The following THBS4 variants were observed in gnomAD, a reference collection of about 807,000 sequenced individuals.
THBS4 encodes thrombospondin-4.
A neutral mutation model predicts 115.7 loss-of-function variants in THBS4; 90 were observed. The observed-to-expected ratio is 0.78, with a 90% CI of 0.66 to 0.93. The LOEUF is 0.93. Among genes scored for constraint, THBS4 ranks in the 40% least tolerant of loss-of-function variants. THBS4 has a pLI of 0.00. For synonymous variants in THBS4, 460 were observed against 479.3 expected (o/e 0.96, Z 0.53); for missense variants, 1,087 against 1,232.7 (o/e 0.88, Z 1.77).
intron 2 of THBS4, among the ~76,000 whole-genome samples, chr5:80,018,389 CTTTTT>C (rs35373315): frequency 2.0e-5 from 2 of 100,004 alleles, no homozygotes; most frequent in African/African-American, 4.3e-5. Flanking sequence ...TTCAAATATA[CTTTTT>C]TTTTTTTTTT....
intron 2 of THBS4, among the ~76,000 whole-genome samples, chr5:80,013,666 G>A (rs926853125): frequency 2.0e-5 from 3 of 152,128 alleles, no homozygotes; most frequent in African/African-American, 7.2e-5. Context: ...GCAGGCTCCA[G>A]TATTCCACAG....
At position 80,070,991 on chromosome 5, in the gene THBS4, T is replaced by G. The variant is rs200868312; in HGVS notation, c.1561-30T>G. The G allele has an allele frequency of 1.9e-5, 31 of 1,608,064 alleles. No homozygotes were observed. The African/African-American group carries it at 2.8e-4, about 15-fold the overall frequency. On this transcript the variant is annotated intron_variant, in intron 12 of 21. Transcript: ENST00000350881. ...GGAGGAAGTGGATTTAGTAAAAGTC[T>G]GAGTGATGTTCTGTCCTTTCATCTT...
chr5:80,005,700 A>G (rs892595866), intron 2 of THBS4, among the ~76,000 whole-genome samples: 2 of 151,690 alleles, frequency 1.3e-5, no homozygotes, highest in Non-Finnish European at 2.9e-5. Flanking sequence ...CTCTGGAGAA[A>G]TGACATATGT....
rs138755222 is a variant in THBS4, at chr5:80,059,771, C to A, written c.853C>A (p.Arg285Ser). Reference sequence around the variant, plus strand: ...CCCGGCTCCCCCTGCACCGCCAACACGCCCACCTCGTCGGTGTGACTCCAA... The same window carrying A: ...CCCGGCTCCCCCTGCACCGCCAACAAGCCCACCTCGTCGGTGTGACTCCAA... ...VPPAPPAPPTRPPRRCDSNPC... is the reference protein window; with the variant it reads ...VPPAPPAPPTSPPRRCDSNPC... The change falls in exon 7 of 22, where the codon CGC becomes AGC. Residue 285 changes from arginine to serine, a missense_variant. By Grantham distance (110) the Arg-to-Ser change is moderately radical. Around this residue, in one of 3 missense-constraint regions of THBS4, gnomAD observed 979 missense variants for 1,103.7 expected, o/e 0.89. Coordinates refer to ENST00000350881, the MANE Select transcript of THBS4 (RefSeq NM_003248.6). 2 of 1,614,178 alleles carry A rather than the reference C, an allele frequency of 1.2e-6. No homozygotes were observed. The highest frequency in any genetic ancestry group is 1.7e-6 in the Non-Finnish European group (2 of 1,180,028).
At chr5:79,998,375 C>T (rs6873684) in exon 2 of THBS4, 92,298 of 152,544 alleles carry the variant, frequency 0.61, 28,086 homozygotes, top group South Asian at 0.66. Flanking sequence ...CCACCATGAT[C>T]GTAAGTTTTC....
intron 10 of THBS4, among the ~76,000 whole-genome samples, chr5:80,068,356 C>T (rs1038517017): frequency 6.6e-6 from 1 of 152,180 alleles, no homozygotes; most frequent in African/African-American, 2.4e-5. Flanking sequence ...GCAACCCTGT[C>T]CACTTGGGTA....
At chr5:80,025,575 G>T (rs1236645500) in intron 2 of THBS4, among the ~76,000 whole-genome samples, 2 of 152,166 alleles carry the variant, frequency 1.3e-5, no homozygotes, top group African/African-American at 4.8e-5. Flanking sequence ...TACTTTGCAG[G>T]GAGTGGTCAG....
upstream of THBS4, among the ~76,000 whole-genome samples, chr5:80,032,150 T>C (rs1332574004): frequency 2.0e-5 from 3 of 152,218 alleles, no homozygotes; most frequent in Non-Finnish European, 4.4e-5. Flanking sequence ...AAATAAACTC[T>C]TTTGTCTCCT....
intron 3 of THBS4, among the ~76,000 whole-genome samples, 171 bp from the exon 4 acceptor site, chr5:80,058,035 A>C (rs537818000): frequency 6.6e-6 from 1 of 152,334 alleles, no homozygotes; most frequent in Admixed American, 6.5e-5. Flanking sequence ...CTTTAGTCAA[A>C]AAGATAGGGC....
At chr5:80,013,639 A>G (rs1361667763) in intron 2 of THBS4, among the ~76,000 whole-genome samples, 1 of 152,136 alleles carries the variant, frequency 6.6e-6, no homozygotes, top group Non-Finnish European at 1.5e-5. Flanking sequence ...CTGGCCATGT[A>G]GCATGGGGTT....
At chr5:80,005,658 C>T (rs1490242898) in intron 2 of THBS4, among the ~76,000 whole-genome samples, 1 of 151,906 alleles carries the variant, frequency 6.6e-6, no homozygotes, top group African/African-American at 2.4e-5. Flanking sequence ...AACCTGATCC[C>T]TCTTCTGCCT....
chr5:80,055,060 A>G (rs1260606619), intron 2 of THBS4, among the ~76,000 whole-genome samples: 2 of 151,830 alleles, frequency 1.3e-5, no homozygotes, highest in African/African-American at 4.8e-5. Context: ...AGTGGCTCAC[A>G]CCTGTAATCC....
chr5:80,082,169 A>T, intron 20 of THBS4: 1 of 425,588 alleles, frequency 2.3e-6, no homozygotes, highest in Non-Finnish European at 4.1e-6. Context: ...GGGAAGAAAC[A>T]CCCCCCACCC....
chr5:80,043,594 G>T (rs1418764745), intron 2 of THBS4, among the ~76,000 whole-genome samples: 2 of 152,132 alleles, frequency 1.3e-5, no homozygotes, highest in Non-Finnish European at 2.9e-5. Flanking sequence ...TTAAAGTCCA[G>T]GACTGGGAGA....
intron 20 of THBS4, among the ~76,000 whole-genome samples, chr5:80,080,749 G>A (rs915773256): frequency 2.0e-5 from 3 of 151,820 alleles, no homozygotes; most frequent in African/African-American, 4.8e-5. Context: ...ATCACGCCAG[G>A]CTAATTTTTG....
At chr5:80,028,077 C>G (rs1397392998) in intron 2 of THBS4, among the ~76,000 whole-genome samples, 1 of 151,986 alleles carries the variant, frequency 6.6e-6, no homozygotes. Flanking sequence ...TAGCAGGGCA[C>G]AGTAGTGCAC....
chr5:80,005,762 A>ATTTTT (rs567389394), intron 2 of THBS4, among the ~76,000 whole-genome samples: 1 of 119,842 alleles, frequency 8.3e-6, no homozygotes, highest in Non-Finnish European at 1.7e-5. Flanking sequence ...TGTTTGTGGC[A>ATTTTT]TTTTTTTTTT....
chr5:80,059,716 TCA>T lies in THBS4; in HGVS notation c.799_800del (p.Gln267ValfsTer24). The T allele has an allele frequency of 1.2e-6, 2 of 1,614,140 alleles. No homozygotes were observed. The highest frequency in any genetic ancestry group is 3.3e-4 in the Middle Eastern group (2 of 6,062). Reference sequence around the variant, plus strand: ...GTTTTTCTCTAGGTCCTCTCAAGTTTCAGTCTCCGACCCCAAGCACGGTGGTG... The same window carrying T: ...GTTTTTCTCTAGGTCCTCTCAAGTTTGTCTCCGACCCCAAGCACGGTGGTG... ...ECQACGPLKFQSPTPSTVVPP... is the reference protein window; with the variant it reads ...ECQACGPLKFXSPTPSTVVPP... On this transcript the variant is annotated frameshift_variant, in exon 7 of 22. Coordinates refer to ENST00000350881, the MANE Select transcript of THBS4 (RefSeq NM_003248.6). LOFTEE classifies it high-confidence loss of function.
At chr5:80,030,529 G>A (rs1339052719), upstream of THBS4, among the ~76,000 whole-genome samples, 1 of 152,072 alleles carries the variant, frequency 6.6e-6, no homozygotes, top group Non-Finnish European at 1.5e-5. Context: ...CACCATGCCT[G>A]GCTAATTGTT....
Sources: allele counts gnomAD v4.1 joint callset (sites outside exome capture counted in the v4.1 genomes callset), GRCh38; gene constraint gnomAD v4.1.1; regional missense constraint gnomAD v4.1.1; transcripts MANE v1.5; gene names NCBI Gene and HGNC (gene_info 2026-07-23, HGNC 2026-07-21).